Variants in CUX2 observed in about 807,000 individuals in gnomAD.
CUX2 encodes cut like homeobox 2.
Under a neutral mutation model 144.8 loss-of-function variants are expected in CUX2, and 40 were observed. The observed-to-expected ratio is 0.28, with a 90% CI of 0.21 to 0.36. The LOEUF (loss-of-function observed/expected upper bound fraction) is 0.36. Ranked by LOEUF, CUX2 falls within the 10% of genes least tolerant of loss-of-function variation. CUX2 has a pLI of 1.00. For missense variants in CUX2, 1,615 were observed against 1,994.0 expected, an observed-to-expected ratio of 0.81 and a Z score of 3.62; for synonymous variants, 827 against 875.6, an observed-to-expected ratio of 0.94 and a Z score of 0.98.
intron 3 of CUX2, among the ~76,000 whole-genome samples, chr12:111,252,703 C>T (rs901735722): frequency 6.6e-6 from 1 of 151,660 alleles, no homozygotes; most frequent in Admixed American, 6.6e-5. Flanking sequence ...ATTGCCCACT[C>T]TGTGCCCAGC....
At chr12:111,088,425 A>G (rs1872366426) in intron 1 of CUX2, among the ~76,000 whole-genome samples, 1 of 152,098 alleles carries the variant, frequency 6.6e-6, no homozygotes, top group Non-Finnish European at 1.5e-5. Context: ...TGAATCAGCA[A>G]TTATCTCAAA....
chr12:111,250,157 G>A (rs1194526061), intron 3 of CUX2, among the ~76,000 whole-genome samples: 1 of 152,128 alleles, frequency 6.6e-6, no homozygotes, highest in Non-Finnish European at 1.5e-5. Flanking sequence ...TTCCACTCAG[G>A]GAATCACAGC....
At chr12:111,066,469 G>T (rs972516888) in intron 1 of CUX2, among the ~76,000 whole-genome samples, 7 of 152,136 alleles carry the variant, frequency 4.6e-5, no homozygotes, top group African/African-American at 7.2e-5. Flanking sequence ...TTACCCTGGG[G>T]TCTGAGCCCA....
intron 1 of CUX2, among the ~76,000 whole-genome samples, chr12:111,104,063 T>C (rs1329859436): frequency 6.6e-6 from 1 of 152,238 alleles, no homozygotes; most frequent in African/African-American, 2.4e-5. Flanking sequence ...TATTTGTGCT[T>C]TGAGTCCTGC....
intron 1 of CUX2, among the ~76,000 whole-genome samples, chr12:111,104,573 GT>G (rs1186747260): frequency 6.6e-6 from 1 of 152,228 alleles, no homozygotes; most frequent in Non-Finnish European, 1.5e-5. Context: ...TGCAGGGCAA[GT>G]TGCTTTACCT....
At chr12:111,177,290 A>G (rs1469848822) in intron 1 of CUX2, among the ~76,000 whole-genome samples, 1 of 151,740 alleles carries the variant, frequency 6.6e-6, no homozygotes, top group Non-Finnish European at 1.5e-5. Context: ...ATCAAATAAA[A>G]TTGCCCCCAC....
chr12:111,047,088 C>T (rs981294754), intron 1 of CUX2, among the ~76,000 whole-genome samples: 1 of 152,232 alleles, frequency 6.6e-6, no homozygotes, highest in Non-Finnish European at 1.5e-5. Context: ...CCCAGCGTGT[C>T]TCCCAGCCTG....
At chr12:111,201,340 A>T (rs1453894076) in intron 1 of CUX2, among the ~76,000 whole-genome samples, 1 of 152,048 alleles carries the variant, frequency 6.6e-6, no homozygotes, top group African/African-American at 2.4e-5. Flanking sequence ...CTGCTCAGCC[A>T]ACCCCTCTGG....
At chr12:111,104,708 G>T (rs781127679) in intron 1 of CUX2, among the ~76,000 whole-genome samples, 1 of 152,184 alleles carries the variant, frequency 6.6e-6, no homozygotes, top group African/African-American at 2.4e-5. Context: ...TTTCAGAGCC[G>T]CCAGGCCAGA....
chr12:111,232,514 A>C (rs1056365793), intron 3 of CUX2, among the ~76,000 whole-genome samples: 1 of 152,196 alleles, frequency 6.6e-6, no homozygotes, highest in Non-Finnish European at 1.5e-5. Flanking sequence ...AAAATAAAAT[A>C]AAATATAAAT....
chr12:111,192,494 C>A (rs1879955696), intron 1 of CUX2, among the ~76,000 whole-genome samples: 1 of 151,830 alleles, frequency 6.6e-6, no homozygotes, highest in South Asian at 2.1e-4. Flanking sequence ...AACTACATAA[C>A]CTGCCTTCCA....
chr12:111,249,434 AC>A (rs1411537245), intron 3 of CUX2, among the ~76,000 whole-genome samples: 2 of 69,314 alleles, frequency 2.9e-5, no homozygotes, highest in Admixed American at 1.5e-4. Context: ...AAATTAATAG[AC>A]CCTTTTTTTG....
At chr12:111,058,086 T>G (rs1380821555) in intron 1 of CUX2, among the ~76,000 whole-genome samples, 1 of 152,270 alleles carries the variant, frequency 6.6e-6, no homozygotes, top group Admixed American at 6.5e-5. Context: ...ATAGTTCTTA[T>G]TAAACATTAT....
chr12:111,174,021 A>C (rs1205583863), intron 1 of CUX2, among the ~76,000 whole-genome samples: 1 of 152,182 alleles, frequency 6.6e-6, no homozygotes, highest in Non-Finnish European at 1.5e-5. Flanking sequence ...GGGTGGAGCA[A>C]AGCACAAGGA....
At chr12:111,063,979 G>T (rs1870918159) in intron 1 of CUX2, among the ~76,000 whole-genome samples, 1 of 152,234 alleles carries the variant, frequency 6.6e-6, no homozygotes, top group African/African-American at 2.4e-5. Flanking sequence ...GGTGGGGACA[G>T]GGGAATGAAT....
chr12:111,165,173 T>G (rs1347892994), intron 1 of CUX2, among the ~76,000 whole-genome samples: 3 of 152,104 alleles, frequency 2.0e-5, no homozygotes, highest in Non-Finnish European at 2.9e-5. Flanking sequence ...TTTATGCGGG[T>G]AAGGATGGGG....
intron 1 of CUX2, among the ~76,000 whole-genome samples, chr12:111,136,203 G>C (rs537882342): frequency 7.0e-4 from 107 of 152,138 alleles, no homozygotes; most frequent in Non-Finnish European, 1.2e-3. Flanking sequence ...CACGTGATGA[G>C]GGTGGGAGGG....
At position 111,350,397 on chromosome 12, in the gene CUX2, C is replaced by T. The variant is rs1247009687; in HGVS notation, c.*2072C>T. On this transcript the variant is annotated 3_prime_UTR_variant, in exon 22 of 22. Coordinates refer to ENST00000261726, the MANE Select transcript of CUX2 (RefSeq NM_015267.4). Reference sequence around the variant, plus strand: ...CTGTTGTACTTAAAGCTAGCGGACCCGTGAACAACTTTGTCAGGTTCACGT... The same window carrying T: ...CTGTTGTACTTAAAGCTAGCGGACCTGTGAACAACTTTGTCAGGTTCACGT... 2 of 152,354 alleles carry T rather than the reference C, an allele frequency of 1.3e-5. No individual in the cohort carries two copies. Among genetic ancestry groups the T allele is most frequent in the African/African-American group, 2.4e-5 (1 of 41,408 alleles). The allele number at this position is 152,354 out of a possible 1,614,324, so 9.4% of individuals were successfully genotyped here.
intron 1 of CUX2, among the ~76,000 whole-genome samples, chr12:111,087,643 G>T (rs561227288): frequency 6.6e-6 from 1 of 152,282 alleles, no homozygotes; most frequent in South Asian, 2.1e-4. Context: ...TGTTTGTTCA[G>T]TCATTTTGTT....
Sources: gnomAD v4.1 joint callset for allele counts (sites outside exome capture counted in the v4.1 genomes callset) on GRCh38, gnomAD v4.1.1 for gene constraint, MANE v1.5 for transcripts, NCBI Gene and HGNC (gene_info 2026-07-23, HGNC 2026-07-21) for gene names.